EMP3: variants seen among roughly 807,000 people sequenced by gnomAD.
EMP3 encodes the protein epithelial membrane protein 3.
A neutral mutation model predicts 21.6 loss-of-function variants in EMP3; 15 were observed. That is an observed-to-expected ratio of 0.69 (90% CI 0.46 to 1.07). The LOEUF is 1.07. Ranked by LOEUF, EMP3 falls within the 50% of genes least tolerant of loss-of-function variation. EMP3 has a pLI of 0.00. For synonymous variants in EMP3, 107 were observed against 86.1 expected, an observed-to-expected ratio of 1.24 and a Z score of -1.34; for missense variants, 183 against 206.6, an observed-to-expected ratio of 0.89 and a Z score of 0.70.
intron 3 of EMP3, 107 bp downstream of exon 3, chr19:48,327,730 C>A: frequency 1.9e-6 from 2 of 1,061,720 alleles, no homozygotes; most frequent in Non-Finnish European, 2.8e-6. Context: ...TTGGAGTGGG[C>A]GGGGTCCAGG....
In EMP3 at chr19:48,330,352, TC is replaced by T; in HGVS notation, c.376del (p.Leu126TrpfsTer?). ...ALIYAIHAEE[I>X]LEKHPRGGSF... ...ATCTATGCCATTCACGCCGAGGAGA[TC>T]CTGGAGAAGCACCCGCGAGGGGGCA... On this transcript the variant is annotated frameshift_variant, in exon 5 of 5. Coordinates refer to ENST00000270221, the MANE Select transcript of EMP3 (RefSeq NM_001425.3). LOFTEE classifies it high-confidence loss of function. 1 of 1,607,342 alleles carries T rather than the reference TC, an allele frequency of 6.2e-7. No homozygotes were observed. The highest frequency in any genetic ancestry group is 1.3e-5 in the African/African-American group (1 of 74,440).
chr19:48,327,425 A>G, intron 2 of EMP3, 96 bp from the exon 3 acceptor site: 1 of 838,418 alleles, frequency 1.2e-6, no homozygotes, highest in African/African-American at 1.7e-5. Flanking sequence ...CATCCCAGAT[A>G]CCCTGCCCTT....
chr19:48,326,859 G>T lies in EMP3; in HGVS notation c.15G>T (p.Leu5Phe). Residue 5 changes from leucine to phenylalanine, a missense_variant, in exon 2 of 5, where the codon TTG becomes TTT. Coordinates refer to ENST00000270221, the MANE Select transcript of EMP3 (RefSeq NM_001425.3). MSLLLLVVSALHILI... is the reference protein window; with the variant it reads MSLLFLVVSALHILI... Reference sequence around the variant, plus strand: ...CCACTGCAGCCATGTCACTCCTCTTGCTGGTGGTCTCAGCCCTTCACATCC... The same window carrying T: ...CCACTGCAGCCATGTCACTCCTCTTTCTGGTGGTCTCAGCCCTTCACATCC... 1 of 1,613,884 alleles carries T rather than the reference G, an allele frequency of 6.2e-7. No homozygotes were observed. The highest frequency in any genetic ancestry group is 8.5e-7 in the Non-Finnish European group (1 of 1,179,940).
chr19:48,329,623 A>T lies in EMP3; in HGVS notation c.322+131A>T. On this transcript the variant is annotated intron_variant, in intron 4 of 4. Transcript: ENST00000270221. The surrounding 1 kb of genome is among the most constrained non-coding windows in gnomAD (Gnocchi z 4.5). ...AACAACTTTCAACACCCCACGAGCCACAAGAGGTGCCTCCGTGGGCTACAT... is the reference window on the plus strand; with the variant it reads ...AACAACTTTCAACACCCCACGAGCCTCAAGAGGTGCCTCCGTGGGCTACAT... 1 of 1,207,624 alleles carries T rather than the reference A, an allele frequency of 8.3e-7. No homozygotes were observed. Among genetic ancestry groups the T allele is most frequent in the Non-Finnish European group, 1.1e-6 (1 of 870,166 alleles). The allele number at this position is 1,207,624 out of a possible 1,614,324, so 74.8% of individuals were successfully genotyped here.
chr19:48,329,480 C>T lies in EMP3; in HGVS notation c.310C>T (p.Gln104Ter), dbSNP rs1274463272. 1 of 1,614,032 alleles carries T rather than the reference C, an allele frequency of 6.2e-7. No homozygotes were observed. Among genetic ancestry groups the T allele is most frequent in the Non-Finnish European group, 8.5e-7 (1 of 1,180,012 alleles). ...TCTCTTCTATGCCACCGGCCTCTGC[C>T]AGCTTTGCACCAGTGAGCACTGCCC... ...GGLFYATGLCQLCTSVAVFTG... is the reference protein window; with the variant it reads ...GGLFYATGLC The change falls in exon 4 of 5, where the codon CAG becomes TAG. Residue 104 changes from glutamine (Q) to a stop codon, truncating the protein, a stop_gained. Coordinates refer to ENST00000270221, the MANE Select transcript of EMP3 (RefSeq NM_001425.3). LOFTEE classifies it high-confidence loss of function. The surrounding 1 kb of genome is among the most constrained non-coding windows in gnomAD (Gnocchi z 4.5).
At chr19:48,326,319 T>C (rs1375489595) in intron 1 of EMP3, among the ~76,000 whole-genome samples, 3 of 151,992 alleles carry the variant, frequency 2.0e-5, no homozygotes, top group Non-Finnish European at 4.4e-5. Context: ...AGGAGCCACA[T>C]TGCTAGTCCT....
chr19:48,327,470 C>A, intron 2 of EMP3, 51 bp from the exon 3 acceptor site: 1 of 1,388,606 alleles, frequency 7.2e-7, no homozygotes, highest in Non-Finnish European at 1.0e-6. Context: ...CTGACCCTAT[C>A]CCCTCTCCTT....
Position 48,329,592 on chromosome 19 carries a change from G to A in EMP3, c.322+100G>A, listed in dbSNP as rs878975786. 1.5e-5 allele frequency: 22 copies of A among 1,480,420 alleles called. No homozygotes were observed. In the Middle Eastern group the frequency reaches 2.5e-3, roughly 167 times the overall value. 91.7% of individuals were successfully genotyped at this position (1,480,420 alleles called of 1,614,324 possible). ...GGGCCCTGAGAATGGGCCTCTCGTA[G>A]AAAAAAACAACTTTCAACACCCCAC... On this transcript the variant is annotated intron_variant, in intron 4 of 4. Transcript: ENST00000270221. The surrounding 1 kb of genome is among the most constrained non-coding windows in gnomAD (Gnocchi z 4.5).
intron 4 of EMP3, among the ~76,000 whole-genome samples, 175 bp from the exon 5 acceptor site, chr19:48,330,126 G>A (rs1259333253): frequency 6.6e-6 from 1 of 152,206 alleles, no homozygotes; most frequent in East Asian, 1.9e-4. Context: ...GATTAAATCA[G>A]TTACCTAAGG....
At position 48,329,511 on chromosome 19, in the gene EMP3, C is replaced by G. The variant is rs373588737; in HGVS notation, c.322+19C>G. 3.2e-5 allele frequency: 52 copies of G among 1,613,778 alleles called. No individual in the cohort carries two copies. The highest frequency in any genetic ancestry group is 4.3e-5 in the Non-Finnish European group (51 of 1,179,772). On this transcript the variant is annotated intron_variant, in intron 4 of 4. Transcript: ENST00000270221. This position sits in a 1 kb window ranked among gnomAD's most constrained non-coding sequence, Gnocchi z 4.5. ...TGCACCAGTGAGCACTGCCCCTCCC[C>G]AACCCTAATCCCCCAAGAATTGAGC... is the stretch of plus-strand genomic sequence containing the variant.
At chr19:48,327,443 C>A in intron 2 of EMP3, 78 bp from the exon 3 acceptor site, 1 of 1,062,612 alleles carries the variant, frequency 9.4e-7, no homozygotes, top group Non-Finnish European at 1.4e-6. Flanking sequence ...CTTTTCCCAG[C>A]CCTTCCCACA....
chr19:48,329,999 T>C lies in EMP3; in HGVS notation c.323-302T>C, dbSNP rs975151817. Among the ~76,000 whole-genome samples, 2 of 152,212 alleles carry C rather than the reference T, an allele frequency of 1.3e-5. No homozygotes were observed. The highest frequency in any genetic ancestry group is 2.9e-5 in the Non-Finnish European group (2 of 68,036). ...ATCACAGTCAGTTTGGGGAACATTA[T>C]AGGTTCTTGCAAAGCTTCTCTCTTG... is the stretch of plus-strand genomic sequence containing the variant. On this transcript the variant is annotated intron_variant, in intron 4 of 4. Transcript: ENST00000270221. This position sits in a 1 kb window ranked among gnomAD's most constrained non-coding sequence, Gnocchi z 4.5.
rs748467464 is a variant in EMP3, at chr19:48,327,545, G to C, written c.103G>C (p.Glu35Gln). 35 of 1,613,584 alleles carry C rather than the reference G, an allele frequency of 2.2e-5. No individual in the cohort carries two copies. The highest frequency in any genetic ancestry group is 2.8e-5 in the Non-Finnish European group (33 of 1,179,916). The change falls in exon 3 of 5, where the codon GAG becomes CAG. Residue 35 changes from glutamate (E) to glutamine (Q), a missense_variant. Transcript: ENST00000270221. ...DKSWWTLPGKESLNLWYDCTW... is the reference protein window; with the variant it reads ...DKSWWTLPGKQSLNLWYDCTW... ...GTCCTGGTGGACTCTCCCTGGGAAA[G>C]AGTCCCTGAATCTCTGGTACGACTG... is the stretch of plus-strand genomic sequence containing the variant.
At chr19:48,326,167 C>A in intron 1 of EMP3, 1 of 152,326 alleles carries the variant, frequency 6.6e-6, no homozygotes, top group Non-Finnish European at 1.5e-5. Flanking sequence ...CCCCTCAACC[C>A]AGGAGAGGAG....
At position 48,327,772 on chromosome 19, in the gene EMP3, T is replaced by C. The variant is rs574784832; in HGVS notation, c.181+149T>C. 1.4e-5 allele frequency: 9 copies of C among 646,632 alleles called. No homozygotes were observed. The African/African-American group carries it at 1.6e-4, about 12-fold the overall frequency. 40.1% of individuals were successfully genotyped at this position (646,632 alleles called of 1,614,324 possible). On this transcript the variant is annotated intron_variant, in intron 3 of 4. Coordinates refer to ENST00000270221, the MANE Select transcript of EMP3 (RefSeq NM_001425.3). ...TGGCTGAGTGCCTAGGGCTAATGCA[T>C]GTCCCGCCTGTCTGGATGTACCTAC...
In EMP3 at chr19:48,327,518, C is replaced by T; in HGVS notation, c.79-3C>T. The T allele has an allele frequency of 6.2e-7, 1 of 1,608,630 alleles. No homozygotes were observed. Among genetic ancestry groups the T allele is most frequent in the Non-Finnish European group, 8.5e-7 (1 of 1,176,004 alleles). On this transcript the variant is annotated splice_polypyrimidine_tract_variant and splice_region_variant and intron_variant, in intron 2 of 4. Transcript: ENST00000270221. The stretch of plus-strand genomic sequence containing the variant: ...CCCTTGTTTCGTTCTCTGTCCATCC[C>T]AGTCCTGGTGGACTCTCCCTGGGAA...
chr19:48,329,592 GA>G lies in EMP3; in HGVS notation c.322+107del. ...GGGCCCTGAGAATGGGCCTCTCGTA[GA>G]AAAAAACAACTTTCAACACCCCACG... is the stretch of plus-strand genomic sequence containing the variant. On this transcript the variant is annotated intron_variant, in intron 4 of 4. Coordinates refer to ENST00000270221, the MANE Select transcript of EMP3 (RefSeq NM_001425.3). The surrounding 1 kb of genome is among the most constrained non-coding windows in gnomAD (Gnocchi z 4.5). 1.4e-6 allele frequency: 2 copies of G among 1,480,440 alleles called. 1 individual carries two copies. The highest frequency in any genetic ancestry group is 4.3e-5 in the Admixed American group (2 of 46,742). 91.7% of individuals were successfully genotyped at this position (1,480,440 alleles called of 1,614,324 possible).
intron 2 of EMP3, 133 bp downstream of exon 2, chr19:48,327,055 A>C: frequency 1.3e-6 from 1 of 790,778 alleles, no homozygotes; most frequent in Non-Finnish European, 2.1e-6. Flanking sequence ...ATTTTGAGAC[A>C]AGGGTCTCAC....
chr19:48,327,579 ACAACGACAC>A lies in EMP3; in HGVS notation c.141_149del (p.Asn47_Thr49del), dbSNP rs1569017630. ...AATCTCTGGTACGACTGCACGTGGA[ACAACGACAC>A]CAAAACATGGGCCTGCAGTAATGTC... On this transcript the variant is annotated inframe_deletion, in exon 3 of 5. Transcript: ENST00000270221. 2 of 1,613,954 alleles carry A rather than the reference ACAACGACAC, an allele frequency of 1.2e-6. No individual in the cohort carries two copies. Among genetic ancestry groups the A allele is most frequent in the Non-Finnish European group, 1.7e-6 (2 of 1,179,980 alleles).
Sources: gnomAD v4.1 joint callset for allele counts (sites outside exome capture counted in the v4.1 genomes callset) on GRCh38, gnomAD v4.1.1 for gene constraint, Gnocchi (gnomAD v3.1) non-coding constraint, MANE v1.5 for transcripts, NCBI Gene and HGNC (gene_info 2026-07-23, HGNC 2026-07-21) for gene names.